CHD1L: variants seen among roughly 807,000 people sequenced by gnomAD.
The protein encoded by CHD1L is chromodomain helicase DNA binding protein 1 like.
In CHD1L, 118 loss-of-function variants were observed where a neutral mutation model predicts 115.9. The ratio of observed to expected loss-of-function variants is 1.02; its 90% CI spans 0.88 to 1.19. The LOEUF is 1.19. Among genes scored for constraint, CHD1L ranks in the 50% most tolerant of loss-of-function variants. CHD1L has a pLI of 0.00. For synonymous variants in CHD1L, 411 were observed against 387.1 expected (o/e 1.06, Z -0.72); for missense variants, 1,179 against 1,065.3 (o/e 1.11, Z -1.49).
the CHD1L span, among the ~76,000 whole-genome samples, chr1:147,194,272 T>G: frequency 4.3e-3 from 656 of 152,320 alleles, 5 homozygotes; most frequent in Non-Finnish European, 7.7e-3. Context: ...TGGCCTTCTT[T>G]GTCTCTTTAG....
chr1:147,189,149 C>T, the CHD1L span, among the ~76,000 whole-genome samples: 1 of 152,018 alleles, frequency 6.6e-6, no homozygotes, highest in Non-Finnish European at 1.5e-5. Context: ...TGGTGTGCAC[C>T]TGTAGTCCTA....
At chr1:147,201,988 A>G in the CHD1L span, among the ~76,000 whole-genome samples, 2 of 152,210 alleles carry the variant, frequency 1.3e-5, no homozygotes, top group Non-Finnish European at 2.9e-5. Flanking sequence ...TTTTACATGC[A>G]TTAACTTGAC....
At chr1:147,277,579 CTT>C (rs1183238778) in intron 14 of CHD1L, among the ~76,000 whole-genome samples, 3 of 152,084 alleles carry the variant, frequency 2.0e-5, no homozygotes, top group African/African-American at 4.8e-5. Flanking sequence ...GTAGGTGTGG[CTT>C]TTTTCTTTTT....
At chr1:147,187,089 G>C in the CHD1L span, 2 of 1,614,130 alleles carry the variant, frequency 1.2e-6, no homozygotes, top group Non-Finnish European at 1.7e-6. Flanking sequence ...CACGATAGTG[G>C]ATTGGAGTGC....
intron 15 of CHD1L, 90 bp from the exon 16 acceptor site, chr1:147,284,261 C>A (rs1362013691): frequency 1.9e-6 from 2 of 1,064,068 alleles, no homozygotes; most frequent in Non-Finnish European, 2.7e-6. Context: ...ATAGGCTGTT[C>A]TCCTGTCCAC....
In CHD1L at chr1:147,259,930, G is replaced by A; in HGVS notation, c.576+12G>A. 5 of 1,602,386 alleles carry A rather than the reference G, an allele frequency of 3.1e-6. No individual in the cohort carries two copies. The highest frequency in any genetic ancestry group is 4.3e-6 in the Non-Finnish European group (5 of 1,172,610). On this transcript the variant is annotated intron_variant, in intron 6 of 22. Transcript: ENST00000369258. ...AGACCTTGTCAGAGGTAAACTTACA[G>A]TGTAGCCTTAGTTTTTATATAACCC...
At chr1:147,180,401 C>T in the CHD1L span, among the ~76,000 whole-genome samples, 2 of 152,106 alleles carry the variant, frequency 1.3e-5, no homozygotes, top group South Asian at 2.1e-4. Flanking sequence ...AAGCAATTCT[C>T]CTGCCTCAGC....
At chr1:147,182,345 A>C in the CHD1L span, among the ~76,000 whole-genome samples, 1 of 152,220 alleles carries the variant, frequency 6.6e-6, no homozygotes, top group Admixed American at 6.5e-5. Flanking sequence ...TAATGGCTAT[A>C]GCTACAGTGG....
chr1:147,209,421 G>C, the CHD1L span, among the ~76,000 whole-genome samples: 6 of 125,580 alleles, frequency 4.8e-5, no homozygotes, highest in Non-Finnish European at 8.1e-5. Context: ...CTGGGCAACA[G>C]AGTGAGACTC....
At chr1:147,293,501 C>G in intron 20 of CHD1L, 107 bp from the exon 21 acceptor site, 1 of 817,316 alleles carries the variant, frequency 1.2e-6, no homozygotes, top group Non-Finnish European at 2.1e-6. Flanking sequence ...AGAGACAGAG[C>G]CAAGCCCAAG....
intron 7 of CHD1L, 69 bp from the exon 8 acceptor site, chr1:147,265,863 G>GTTCTCTA: frequency 7.1e-7 from 1 of 1,399,156 alleles, no homozygotes; most frequent in East Asian, 2.5e-5. Flanking sequence ...ATTTCTTTAA[G>GTTCTCTA]TTCTCTAGGG....
chr1:147,295,684 T>A lies in CHD1L; in HGVS notation c.*175T>A, dbSNP rs1054589760. On this transcript the variant is annotated 3_prime_UTR_variant, in exon 23 of 23. Transcript: ENST00000369258. ...TTGCTCTGTTTTGGTACCTGTAATA[T>A]AGGGAAACACAACTTTTTTTGGGAA... 7 of 539,690 alleles carry A rather than the reference T, an allele frequency of 1.3e-5. No individual in the cohort carries two copies. The highest frequency in any genetic ancestry group is 4.7e-4 in the Middle Eastern group (1 of 2,150). 33.4% of individuals were successfully genotyped at this position (539,690 alleles called of 1,614,324 possible).
chr1:147,244,252 TGAG>T (rs1485321768), intron 1 of CHD1L, among the ~76,000 whole-genome samples: 4 of 152,084 alleles, frequency 2.6e-5, no homozygotes, highest in South Asian at 4.1e-4. Context: ...TTAGTGAAAA[TGAG>T]GAGACAAGAG....
Position 147,252,661 on chromosome 1 carries a change from T to A in CHD1L, c.166T>A (p.Trp56Arg), listed in dbSNP as rs782383196. ...LRSYQLEGVN[W>R]LAQRFHCQNG... ...CTCTTACCAGCTGGAGGGAGTAAAC[T>A]GGCTCGCCCAGCGCTTCCATTGTCA... The change falls in exon 2 of 23, where the codon TGG (tryptophan) becomes AGG (arginine). Residue 56 changes from tryptophan (W) to arginine (R), a missense_variant. Trp to Arg is a moderately radical substitution (Grantham distance 101, BLOSUM62 -3). Coordinates refer to ENST00000369258, the MANE Select transcript of CHD1L (RefSeq NM_004284.6). The A allele has an allele frequency of 1.2e-6, 2 of 1,613,974 alleles. No individual in the cohort carries two copies. The highest frequency in any genetic ancestry group is 2.7e-5 in the African/African-American group (2 of 74,918).
intron 1 of CHD1L, among the ~76,000 whole-genome samples, chr1:147,247,200 T>G (rs1437846671): frequency 6.6e-6 from 1 of 152,180 alleles, no homozygotes; most frequent in East Asian, 1.9e-4. Context: ...ACAATTTCAG[T>G]TCTTTTAAAT....
At chr1:147,191,783 C>G in the CHD1L span, among the ~76,000 whole-genome samples, 1 of 151,996 alleles carries the variant, frequency 6.6e-6, no homozygotes, top group African/African-American at 2.4e-5. Context: ...TTCCCCATTT[C>G]TTGTTTTTGT....
intron 5 of CHD1L, chr1:147,259,519 A>T (rs1553942519): frequency 5.0e-6 from 1 of 199,816 alleles, no homozygotes. Context: ...TAAATAACAC[A>T]TAAAGCCCTG....
At chr1:147,182,048 G>A in the CHD1L span, among the ~76,000 whole-genome samples, 1 of 152,188 alleles carries the variant, frequency 6.6e-6, no homozygotes, top group African/African-American at 2.4e-5. Flanking sequence ...AAAATCACTG[G>A]AGTAAGAAGA....
chr1:147,220,497 C>T, the CHD1L span, among the ~76,000 whole-genome samples: 3 of 152,098 alleles, frequency 2.0e-5, no homozygotes, highest in African/African-American at 7.2e-5. Context: ...AAGACTTTGT[C>T]CTTAATAGTG....
Sources: gnomAD v4.1 joint callset for allele counts (sites outside exome capture counted in the v4.1 genomes callset) on GRCh38, gnomAD v4.1.1 for gene constraint, MANE v1.5 for transcripts, NCBI Gene and HGNC (gene_info 2026-07-23, HGNC 2026-07-21) for gene names.